The following SLC39A11 variants were observed in gnomAD, a reference collection of about 807,000 sequenced individuals.
SLC39A11 encodes the protein solute carrier family 39 member 11, also known as zinc transporter ZIP11.
SLC39A11 carries 33 observed loss-of-function variants against 36.1 expected under a neutral mutation model. The ratio of observed to expected loss-of-function variants is 0.91; its 90% CI spans 0.69 to 1.22. The LOEUF (loss-of-function observed/expected upper bound fraction) is 1.22. Ranked by LOEUF, SLC39A11 falls within the 50% of genes most tolerant of loss-of-function variation. The probability of loss-of-function intolerance (pLI) is 0.00; values close to 1 mark genes in which losing one functional copy is unlikely to be tolerated. For missense variants in SLC39A11, 432 were observed against 430.3 expected (o/e 1.00, Z -0.03); for synonymous variants, 166 against 170.3 (o/e 0.97, Z 0.20).
intron 2 of SLC39A11, among the ~76,000 whole-genome samples, chr17:73,088,257 G>C (rs547594656): frequency 6.8e-6 from 1 of 147,750 alleles, no homozygotes; most frequent in Non-Finnish European, 1.5e-5. Context: ...TCCTGCCACT[G>C]CACGCCAGGC....
intron 6 of SLC39A11, among the ~76,000 whole-genome samples, chr17:72,840,879 C>G (rs1327102002): frequency 6.6e-6 from 1 of 151,660 alleles, no homozygotes; most frequent in African/African-American, 2.4e-5. Flanking sequence ...CACGGTGAAA[C>G]CCCGTCTCTA....
At chr17:72,934,316 G>C (rs1251367211) in intron 5 of SLC39A11, among the ~76,000 whole-genome samples, 4 of 152,114 alleles carry the variant, frequency 2.6e-5, no homozygotes, top group African/African-American at 9.7e-5. Flanking sequence ...GGGACTGGGA[G>C]AAAAAGAAAT....
At chr17:72,948,076 G>C (rs1240326004) in intron 4 of SLC39A11, among the ~76,000 whole-genome samples, 1 of 152,026 alleles carries the variant, frequency 6.6e-6, no homozygotes, top group Non-Finnish European at 1.5e-5. Context: ...GACTTTAGTG[G>C]TTACAAAAAA....
intron 4 of SLC39A11, among the ~76,000 whole-genome samples, chr17:73,006,341 TTCTAGATCA>T (rs1249958678): frequency 2.6e-5 from 4 of 152,332 alleles, no homozygotes; most frequent in African/African-American, 9.6e-5. Flanking sequence ...TTAATGGATC[TTCTAGATCA>T]GAGGTTTGTA....
chr17:72,963,174 T>C (rs1568030848), intron 4 of SLC39A11, among the ~76,000 whole-genome samples: 6 of 140,902 alleles, frequency 4.3e-5, no homozygotes, highest in African/African-American at 5.3e-5. Context: ...CCTTTCTTTT[T>C]TTTTTTTTTT....
At chr17:73,082,116 T>TGA (rs2060558505) in intron 3 of SLC39A11, among the ~76,000 whole-genome samples, 1 of 80,354 alleles carries the variant, frequency 1.2e-5, no homozygotes, top group East Asian at 4.8e-4. Flanking sequence ...CTACTGAAAC[T>TGA]AAAAAAAAAG....
intron 3 of SLC39A11, among the ~76,000 whole-genome samples, chr17:73,041,693 A>T (rs2059117530): frequency 6.6e-6 from 1 of 152,238 alleles, no homozygotes; most frequent in African/African-American, 2.4e-5. Flanking sequence ...ACAAAAACTC[A>T]ATTTTCAGAA....
At chr17:73,067,306 G>T (rs533212413) in intron 3 of SLC39A11, among the ~76,000 whole-genome samples, 1 of 152,340 alleles carries the variant, frequency 6.6e-6, no homozygotes, top group Non-Finnish European at 1.5e-5. Flanking sequence ...GACCTGCTGT[G>T]CAGGACTTTC....
chr17:72,710,120 G>T (rs2073055201), intron 7 of SLC39A11, among the ~76,000 whole-genome samples: 1 of 152,144 alleles, frequency 6.6e-6, no homozygotes, highest in Non-Finnish European at 1.5e-5. Flanking sequence ...TTTGCTTACA[G>T]GGAGAATATA....
Position 73,067,955 on chromosome 17 carries a change from G to T in SLC39A11, c.147+16853C>A, listed in dbSNP as rs1234139550. ...AGAGAGAGTTCCAACTTCTTGGTCT[G>T]GGGAAGGAGCAAAGGACTGATTCAC... On this transcript the variant is annotated intron_variant, in intron 3 of 9. Coordinates refer to ENST00000255559, the MANE Select transcript of SLC39A11 (RefSeq NM_139177.4). 62 of 1,597,702 alleles carry T rather than the reference G, an allele frequency of 3.9e-5. No individual in the cohort carries two copies. The East Asian group carries it at 1.4e-3, about 35-fold the overall frequency.
In SLC39A11 at chr17:72,752,464, C is replaced by T. The variant is rs538242000; in HGVS notation, c.602-15745G>A. On this transcript the variant is annotated intron_variant, in intron 6 of 9. Coordinates refer to ENST00000255559, the MANE Select transcript of SLC39A11 (RefSeq NM_139177.4). ...TTCACCATGTTGGCCAGGCTGGTCT[C>T]GAACTCCTGACCTCAGGTGATCTGC... is the stretch of plus-strand genomic sequence containing the variant. Among the ~76,000 whole-genome samples, 77 of 152,214 alleles carry T rather than the reference C, an allele frequency of 5.1e-4. 1 individual carries two copies. Among genetic ancestry groups the T allele is most frequent in the Non-Finnish European group, 9.4e-4 (64 of 68,008 alleles).
intron 5 of SLC39A11, among the ~76,000 whole-genome samples, chr17:72,868,915 A>G (rs1291828193): frequency 6.6e-6 from 1 of 152,182 alleles, no homozygotes; most frequent in Non-Finnish European, 1.5e-5. Context: ...GGCACCCAAC[A>G]TTTGCCTCTC....
intron 5 of SLC39A11, among the ~76,000 whole-genome samples, chr17:72,903,021 C>A (rs8070305): frequency 6.6e-6 from 1 of 152,042 alleles, no homozygotes; most frequent in Non-Finnish European, 1.5e-5. Flanking sequence ...AATCCCAACA[C>A]TTTGGGAGGC....
chr17:72,965,154 C>T (rs1387321125), intron 4 of SLC39A11, among the ~76,000 whole-genome samples: 2 of 151,948 alleles, frequency 1.3e-5, no homozygotes, highest in South Asian at 2.1e-4. Context: ...TGTTAAGTGA[C>T]GAGTTAATGG....
intron 6 of SLC39A11, among the ~76,000 whole-genome samples, chr17:72,797,233 TTAA>T (rs1266004043): frequency 6.6e-6 from 1 of 152,066 alleles, no homozygotes; most frequent in Non-Finnish European, 1.5e-5. Flanking sequence ...TATGCTAGTG[TTAA>T]TAATAATAAA....
intron 7 of SLC39A11, among the ~76,000 whole-genome samples, chr17:72,664,609 C>G (rs980196116): frequency 6.6e-6 from 1 of 152,202 alleles, no homozygotes; most frequent in Non-Finnish European, 1.5e-5. Flanking sequence ...TAACCAGTCT[C>G]CCTGCTTCCA....
intron 6 of SLC39A11, among the ~76,000 whole-genome samples, chr17:72,764,012 G>A (rs1348253718): frequency 6.6e-6 from 1 of 151,958 alleles, no homozygotes; most frequent in African/African-American, 2.4e-5. Flanking sequence ...CTGAGTACCC[G>A]AATAAAGCTC....
chr17:72,971,306 CCACACACACATA>C, intron 4 of SLC39A11, among the ~76,000 whole-genome samples: 2 of 150,692 alleles, frequency 1.3e-5, no homozygotes, highest in African/African-American at 4.9e-5. Flanking sequence ...CTCACCCCCT[CCACACACACATA>C]CACACACACA....
At chr17:72,944,779 T>C (rs542976322) in intron 5 of SLC39A11, among the ~76,000 whole-genome samples, 2 of 152,234 alleles carry the variant, frequency 1.3e-5, no homozygotes, top group Admixed American at 6.5e-5. Flanking sequence ...GGTAGCATCA[T>C]GGCCAATAAC....
Sources: allele counts gnomAD v4.1 joint callset (sites outside exome capture counted in the v4.1 genomes callset), GRCh38; gene constraint gnomAD v4.1.1; transcripts MANE v1.5; gene names NCBI Gene and HGNC (gene_info 2026-07-23, HGNC 2026-07-21).